Variants in COP1 observed in about 807,000 individuals in gnomAD.
The protein encoded by COP1 is COP1 E3 ubiquitin ligase.
A neutral mutation model predicts 101.3 loss-of-function variants in COP1; 24 were observed. That is an observed-to-expected ratio of 0.24 (90% CI 0.17 to 0.33). The LOEUF (loss-of-function observed/expected upper bound fraction) is 0.33. COP1 is among the 10% of genes least tolerant of loss of function. The probability of loss-of-function intolerance (pLI) is 1.00; values close to 1 mark genes in which losing one functional copy is unlikely to be tolerated. For synonymous variants in COP1, 347 were observed against 341.9 expected (o/e 1.01, Z -0.17); for missense variants, 663 against 906.2 (o/e 0.73, Z 3.45).
At chr1:175,971,681 T>C (rs1225356834) in intron 18 of COP1, among the ~76,000 whole-genome samples, 1 of 152,202 alleles carries the variant, frequency 6.6e-6, no homozygotes, top group African/African-American at 2.4e-5. Flanking sequence ...AATCAGTCAA[T>C]GTTTAATGGA....
At chr1:176,029,412 A>G (rs1247990199) in intron 14 of COP1, among the ~76,000 whole-genome samples, 2 of 152,232 alleles carry the variant, frequency 1.3e-5, no homozygotes, top group African/African-American at 4.8e-5. Flanking sequence ...TTACAAAGGT[A>G]CCAGAGCAAC....
chr1:176,176,437 A>C (rs1255140330), intron 2 of COP1, among the ~76,000 whole-genome samples: 1 of 152,232 alleles, frequency 6.6e-6, no homozygotes, highest in Non-Finnish European at 1.5e-5. Flanking sequence ...AAAATTAGTC[A>C]ATAAACATGA....
Position 175,951,468 on chromosome 1 carries a change from T to C in COP1, c.2134-4229A>G, listed in dbSNP as rs1219281453. Among the ~76,000 whole-genome samples the C allele has an allele frequency of 3.1e-4, 25 of 81,952 alleles. 1 individual carries two copies. In the South Asian group the frequency reaches 0.012, roughly 39 times the overall value. 53.8% of individuals were successfully genotyped at this position (81,952 alleles called of 152,430 possible). A position where few individuals can be genotyped will look rare whatever the true frequency, so the allele number is the denominator to read the frequency against. On this transcript the variant is annotated intron_variant, in intron 18 of 19. Coordinates refer to ENST00000367669, the MANE Select transcript of COP1 (RefSeq NM_022457.7). ...TATATATATATATATATATAAAAAC[T>C]TCCATTTTTGGCCATAACAGAGTAA...
intron 18 of COP1, among the ~76,000 whole-genome samples, chr1:175,964,312 A>T (rs1233671695): frequency 6.6e-6 from 1 of 152,172 alleles, no homozygotes; most frequent in East Asian, 1.9e-4. Flanking sequence ...TTGCTAAATA[A>T]GGATCTAAAA....
In COP1 at chr1:175,988,272, C is replaced by T. The variant is rs1657590501; in HGVS notation, c.1972+16G>A. 3 of 1,583,486 alleles carry T rather than the reference C, an allele frequency of 1.9e-6. No individual in the cohort carries two copies. Among genetic ancestry groups the T allele is most frequent in the Admixed American group, 1.8e-5 (1 of 54,688 alleles). On this transcript the variant is annotated intron_variant, in intron 17 of 19. Coordinates refer to ENST00000367669, the MANE Select transcript of COP1 (RefSeq NM_022457.7). ...ACACCTGTTAAAAAGTTCCTGGAAA[C>T]GATGGTTTCACTTACCACAAGCTAT... is the stretch of plus-strand genomic sequence containing the variant.
At chr1:176,066,995 C>T (rs1019453695) in intron 11 of COP1, among the ~76,000 whole-genome samples, 1 of 152,124 alleles carries the variant, frequency 6.6e-6, no homozygotes, top group Non-Finnish European at 1.5e-5. Context: ...CATATGACAA[C>T]TTATTGGGCA....
rs143405319 is a variant in COP1, at chr1:176,103,282, A to G, written c.1026+13342T>C. 2.6e-3 allele frequency among the ~76,000 whole-genome samples: 399 copies of G among 152,354 alleles called. 3 individuals carry two copies. Among genetic ancestry groups the G allele is most frequent in the African/African-American group, 9.2e-3 (381 of 41,588 alleles). On this transcript the variant is annotated intron_variant, in intron 9 of 19. Transcript: ENST00000367669. ...TGAGACACCCACAAAGCCTTAGGAT[A>G]AGGCTGGTCAAAAGATCACCAAGTA...
At chr1:176,126,218 CTT>C (rs1207088992) in intron 8 of COP1, among the ~76,000 whole-genome samples, 2 of 152,110 alleles carry the variant, frequency 1.3e-5, no homozygotes, top group Non-Finnish European at 2.9e-5. Context: ...ATTTCTTTCT[CTT>C]GTCTGACTGC....
At chr1:176,004,904 T>C (rs1054682916) in intron 15 of COP1, among the ~76,000 whole-genome samples, 1 of 151,702 alleles carries the variant, frequency 6.6e-6, no homozygotes. Flanking sequence ...TTTCTATTGA[T>C]TGGAATAGTT....
chr1:176,022,030 T>C lies in COP1; in HGVS notation c.1729+5542A>G, dbSNP rs181503540. ...TCCTAAGATACTGAAATTTGAATTA[T>C]CTTAGCATTTTCATTTTAATTAATG... On this transcript the variant is annotated intron_variant, in intron 15 of 19. Coordinates refer to ENST00000367669, the MANE Select transcript of COP1 (RefSeq NM_022457.7). Among the ~76,000 whole-genome samples the C allele has an allele frequency of 4.1e-4, 63 of 152,360 alleles. 2 individuals are homozygous for C. The highest frequency in any genetic ancestry group is 3.1e-3 in the Admixed American group (47 of 15,310).
chr1:176,183,366 T>G (rs777044432), intron 2 of COP1, among the ~76,000 whole-genome samples: 5 of 152,126 alleles, frequency 3.3e-5, no homozygotes, highest in Non-Finnish European at 5.9e-5. Flanking sequence ...GCCAACAGAA[T>G]AGGTTTAAAA....
At chr1:175,958,670 GAATA>G (rs34744710) in intron 18 of COP1, among the ~76,000 whole-genome samples, 40,609 of 151,398 alleles carry the variant, frequency 0.27, 6,446 homozygotes, top group East Asian at 0.48. Flanking sequence ...CTCAGAATGA[GAATA>G]AATAATGTTA....
In COP1 at chr1:176,206,771, C is replaced by A. The variant is rs1487343662; in HGVS notation, c.208G>T (p.Val70Leu). The A allele has an allele frequency of 6.9e-7, 1 of 1,446,406 alleles. No homozygotes were observed. Among genetic ancestry groups the A allele is most frequent in the African/African-American group, 1.5e-5 (1 of 67,064 alleles). 89.6% of individuals were successfully genotyped at this position (1,446,406 alleles called of 1,614,324 possible). ...GLGGPVRPVL[V>L]APAVSGSGGG... Reference sequence around the variant, plus strand: ...CCGCTACCCGATACGGCGGGCGCCACCAACACAGGCCGCACCGGGCCCCCG... The same window carrying A: ...CCGCTACCCGATACGGCGGGCGCCAACAACACAGGCCGCACCGGGCCCCCG... The change falls in exon 1 of 20, where the codon GTG becomes TTG. Residue 70 changes from valine (V) to leucine (L), a missense_variant. Val to Leu is a conservative substitution (Grantham distance 32). Transcript: ENST00000367669.
chr1:176,156,435 G>A (rs554573513), intron 5 of COP1, among the ~76,000 whole-genome samples: 14 of 152,050 alleles, frequency 9.2e-5, no homozygotes, highest in South Asian at 2.1e-4. Flanking sequence ...GACTCAAACC[G>A]AACTATATCA....
intron 5 of COP1, among the ~76,000 whole-genome samples, chr1:176,156,101 G>GA (rs941319291): frequency 1.0e-4 from 15 of 150,020 alleles, no homozygotes; most frequent in African/African-American, 2.0e-4. Context: ...TTTTAAAAAA[G>GA]AAAAAAAAAG....
At chr1:175,983,664 C>G (rs767746852) in intron 18 of COP1, among the ~76,000 whole-genome samples, 12 of 152,102 alleles carry the variant, frequency 7.9e-5, no homozygotes, top group Admixed American at 1.3e-4. Context: ...GTTCAGAAGA[C>G]AGGAAAATGT....
chr1:176,147,226 C>A (rs1691704617), intron 6 of COP1, among the ~76,000 whole-genome samples: 1 of 152,120 alleles, frequency 6.6e-6, no homozygotes, highest in Non-Finnish European at 1.5e-5. Flanking sequence ...AATAGACTTA[C>A]ATGGAAGAAG....
At chr1:175,985,620 G>A (rs1044554765) in intron 18 of COP1, among the ~76,000 whole-genome samples, 1 of 152,140 alleles carries the variant, frequency 6.6e-6, no homozygotes, top group Non-Finnish European at 1.5e-5. Flanking sequence ...CACCCCACCA[G>A]AACTGACAAA....
At chr1:175,984,704 G>C (rs1361360988) in intron 18 of COP1, among the ~76,000 whole-genome samples, 1 of 152,204 alleles carries the variant, frequency 6.6e-6, no homozygotes, top group East Asian at 1.9e-4. Context: ...GCTGTACCCT[G>C]CAACGCCACA....
Sources: allele counts gnomAD v4.1 joint callset (sites outside exome capture counted in the v4.1 genomes callset), GRCh38; gene constraint gnomAD v4.1.1; transcripts MANE v1.5; gene names NCBI Gene and HGNC (gene_info 2026-07-23, HGNC 2026-07-21).